MEIS2: variants seen among roughly 807,000 people sequenced by gnomAD.
The protein encoded by MEIS2 is homeobox protein Meis2.
In MEIS2, 9 loss-of-function variants were observed where a neutral mutation model predicts 58.6. The ratio of observed to expected loss-of-function variants is 0.15; its 90% confidence interval spans 0.09 to 0.27. The LOEUF (loss-of-function observed/expected upper bound fraction) is 0.27. Ranked by LOEUF, MEIS2 falls within the 10% of genes least tolerant of loss-of-function variation. The pLI is 1.00. For missense variants in MEIS2, 427 were observed against 635.0 expected, an observed-to-expected ratio of 0.67 and a Z score of 3.52; for synonymous variants, 221 against 228.4, an observed-to-expected ratio of 0.97 and a Z score of 0.29.
At chr15:37,089,031 A>G (rs1218137013) in intron 6 of MEIS2, among the ~76,000 whole-genome samples, 1 of 152,204 alleles carries the variant, frequency 6.6e-6, no homozygotes, top group African/African-American at 2.4e-5. Flanking sequence ...TGATTTAAAT[A>G]GTATAATTAT....
intron 9 of MEIS2, among the ~76,000 whole-genome samples, chr15:36,905,558 A>G (rs1483788286): frequency 6.6e-6 from 1 of 152,120 alleles, no homozygotes; most frequent in Non-Finnish European, 1.5e-5. Flanking sequence ...TTGGCATGGG[A>G]AGAGGGCGGA....
intron 7 of MEIS2, among the ~76,000 whole-genome samples, chr15:37,057,255 C>T (rs1408026311): frequency 6.6e-6 from 1 of 152,248 alleles, no homozygotes; most frequent in Non-Finnish European, 1.5e-5. Context: ...TGAGAAGAAT[C>T]TCTCGTGGCG....
At chr15:37,053,536 T>C (rs1446175527) in intron 7 of MEIS2, among the ~76,000 whole-genome samples, 1 of 152,194 alleles carries the variant, frequency 6.6e-6, no homozygotes. Flanking sequence ...GGTAATGACT[T>C]CCTCAACTAT....
At chr15:37,063,585 C>A (rs886926287) in intron 7 of MEIS2, among the ~76,000 whole-genome samples, 13 of 152,282 alleles carry the variant, frequency 8.5e-5, no homozygotes, top group Admixed American at 7.8e-4. Flanking sequence ...AGCTGTCAAG[C>A]ATTAGCTATA....
intron 8 of MEIS2, 68 bp downstream of exon 8, chr15:37,036,746 A>G: frequency 6.5e-7 from 1 of 1,543,610 alleles, no homozygotes; most frequent in South Asian, 1.2e-5. Context: ...AAAAATCAGT[A>G]TGAGACCGTA....
At chr15:36,928,155 T>G (rs1362228513) in intron 9 of MEIS2, among the ~76,000 whole-genome samples, 19 of 152,192 alleles carry the variant, frequency 1.2e-4, no homozygotes, top group Non-Finnish European at 1.5e-5. Flanking sequence ...TGCATAATAG[T>G]AAGATGAACT....
At chr15:37,100,800 AG>A (rs1313070331), upstream of MEIS2, 2 of 151,148 alleles carry the variant, frequency 1.3e-5, no homozygotes, top group Non-Finnish European at 2.9e-5. Flanking sequence ...AGAAGAGGAC[AG>A]GGAGAGCGCA....
At chr15:36,962,426 A>G (rs949628051) in intron 8 of MEIS2, among the ~76,000 whole-genome samples, 10 of 152,196 alleles carry the variant, frequency 6.6e-5, no homozygotes, top group Admixed American at 2.0e-4. Flanking sequence ...GTATTTGCAT[A>G]TAACCTATGC....
chr15:36,946,251 A>G (rs1446556537), intron 9 of MEIS2, among the ~76,000 whole-genome samples: 2 of 151,932 alleles, frequency 1.3e-5, no homozygotes, highest in Non-Finnish European at 2.9e-5. Context: ...CATTTAAAAA[A>G]TAACCTTCTT....
At chr15:37,070,765 T>C (rs1890592886) in intron 7 of MEIS2, among the ~76,000 whole-genome samples, 1 of 152,118 alleles carries the variant, frequency 6.6e-6, no homozygotes, top group South Asian at 2.1e-4. Context: ...AAATGTGCCC[T>C]TGTGCCCTGT....
At chr15:36,921,213 CT>C (rs1174505113) in intron 9 of MEIS2, among the ~76,000 whole-genome samples, 7 of 152,164 alleles carry the variant, frequency 4.6e-5, no homozygotes, top group Non-Finnish European at 1.0e-4. Flanking sequence ...CTTGTGATGC[CT>C]GTGAAATATG....
chr15:36,950,604 C>CT (rs2058721280), intron 8 of MEIS2, among the ~76,000 whole-genome samples: 1 of 152,068 alleles, frequency 6.6e-6, no homozygotes, highest in Non-Finnish European at 1.5e-5. Flanking sequence ...CTGTCATACT[C>CT]TGTAGGGCCA....
intron 9 of MEIS2, among the ~76,000 whole-genome samples, chr15:36,918,409 T>G (rs1296278377): frequency 7.8e-6 from 1 of 128,638 alleles, no homozygotes; most frequent in East Asian, 1.9e-4. Context: ...AACCTGAAGA[T>G]GCAATGTGAA....
intron 8 of MEIS2, among the ~76,000 whole-genome samples, chr15:37,013,703 A>G (rs982868934): frequency 3.3e-5 from 5 of 151,712 alleles, no homozygotes. Context: ...AAAATTAACA[A>G]CTACCACTCC....
At chr15:36,924,653 C>T (rs1031774629) in intron 9 of MEIS2, among the ~76,000 whole-genome samples, 1 of 152,162 alleles carries the variant, frequency 6.6e-6, no homozygotes, top group Non-Finnish European at 1.5e-5. Flanking sequence ...CGAACTTGAC[C>T]ATGACTGGCT....
chr15:37,079,476 G>A (rs1891908083), intron 7 of MEIS2, among the ~76,000 whole-genome samples: 1 of 151,984 alleles, frequency 6.6e-6, no homozygotes, highest in Non-Finnish European at 1.5e-5. Flanking sequence ...AACATATTCA[G>A]GACCCACAGT....
chr15:37,067,192 C>T (rs762922866), intron 7 of MEIS2, among the ~76,000 whole-genome samples: 4 of 151,110 alleles, frequency 2.6e-5, no homozygotes, highest in East Asian at 3.9e-4. Flanking sequence ...TGGGCTCAAG[C>T]GATCCTTCTG....
At chr15:36,939,805 C>T (rs1304332316) in intron 9 of MEIS2, among the ~76,000 whole-genome samples, 2 of 152,090 alleles carry the variant, frequency 1.3e-5, no homozygotes, top group Admixed American at 6.5e-5. Context: ...TGGGATTTGA[C>T]TTATTTATAA....
In MEIS2 at chr15:37,096,448, G is replaced by A. The variant is rs749699245; in HGVS notation, c.246-18C>T. 9 of 1,610,614 alleles carry A rather than the reference G, an allele frequency of 5.6e-6. No homozygotes were observed. Among genetic ancestry groups the A allele is most frequent in the Non-Finnish European group, 7.6e-6 (9 of 1,178,284 alleles). ...ACGGGTGCCTAACGGGCAGCGCCACGCAGAGACACACACACAGAGACGGGG... is the reference window on the plus strand; with the variant it reads ...ACGGGTGCCTAACGGGCAGCGCCACACAGAGACACACACACAGAGACGGGG... On this transcript the variant is annotated intron_variant, in intron 2 of 11. Transcript: ENST00000561208.
Sources: allele counts gnomAD v4.1 joint callset (sites outside exome capture counted in the v4.1 genomes callset), GRCh38; gene constraint gnomAD v4.1.1; transcripts MANE v1.5; gene names NCBI Gene and HGNC (gene_info 2026-07-23, HGNC 2026-07-21).